Variants in LRBA observed in about 807,000 individuals in gnomAD.
The protein encoded by LRBA is lipopolysaccharide-responsive and beige-like anchor protein.
Under a neutral mutation model 330.0 loss-of-function variants are expected in LRBA, and 176 were observed. The observed-to-expected ratio is 0.53, with a 90% CI of 0.47 to 0.60. The LOEUF (loss-of-function observed/expected upper bound fraction) is 0.60, where lower values mean the gene tolerates loss of function less well. Ranked by LOEUF, LRBA falls within the 20% of genes least tolerant of loss-of-function variation. The pLI is 0.00. For synonymous variants in LRBA, 1,230 were observed against 1,193.0 expected (o/e 1.03, Z -0.64); for missense variants, 3,259 against 3,444.8 (o/e 0.95, Z 1.35).
intron 32 of LRBA, among the ~76,000 whole-genome samples, chr4:150,807,429 G>C (rs1274548532): frequency 6.6e-6 from 1 of 152,148 alleles, no homozygotes; most frequent in Non-Finnish European, 1.5e-5. Flanking sequence ...TACATTTGTA[G>C]TGTCTAATGG....
intron 24 of LRBA, among the ~76,000 whole-genome samples, chr4:150,850,247 C>T (rs1025751271): frequency 1.3e-5 from 2 of 152,092 alleles, no homozygotes; most frequent in South Asian, 2.1e-4. Context: ...ACGCCCGCCA[C>T]CACTCCCAGC....
Position 150,849,582 on chromosome 4 carries a change from A to C in LRBA, c.4005-7T>G. The C allele has an allele frequency of 6.2e-7, 1 of 1,608,342 alleles. No homozygotes were observed. The highest frequency in any genetic ancestry group is 8.5e-7 in the Non-Finnish European group (1 of 1,175,380). ...AACTGTCTTTGTTGAATGGCTGTCCAAAGATAAATGATATTTACTGATAAA... is the reference window on the plus strand; with the variant it reads ...AACTGTCTTTGTTGAATGGCTGTCCCAAGATAAATGATATTTACTGATAAA... On this transcript the variant is annotated splice_region_variant and splice_polypyrimidine_tract_variant and intron_variant, in intron 24 of 56. Coordinates refer to ENST00000651943, the MANE Select transcript of LRBA (RefSeq NM_001364905.1).
At chr4:150,372,705 T>C (rs553659865) in intron 47 of LRBA, among the ~76,000 whole-genome samples, 55 of 78,980 alleles carry the variant, frequency 7.0e-4, no homozygotes, top group African/African-American at 1.9e-3. Flanking sequence ...AAAAACAATA[T>C]GTTCCTTATA....
At chr4:150,704,773 T>C (rs947842927) in intron 36 of LRBA, among the ~76,000 whole-genome samples, 2 of 152,156 alleles carry the variant, frequency 1.3e-5, no homozygotes, top group Non-Finnish European at 1.5e-5. Context: ...TGGACTATCA[T>C]GTAAAAATAG....
chr4:150,683,798 A>G, intron 36 of LRBA, 81 bp from the exon 37 acceptor site: 1 of 1,095,570 alleles, frequency 9.1e-7, no homozygotes, highest in South Asian at 1.8e-5. Context: ...TTTACCCTAA[A>G]TCAAAACAAC....
intron 2 of LRBA, among the ~76,000 whole-genome samples, chr4:150,983,923 T>C (rs1381348368): frequency 1.3e-5 from 2 of 152,228 alleles, no homozygotes; most frequent in African/African-American, 4.8e-5. Flanking sequence ...TATTCATGTA[T>C]GCATTCATTT....
intron 16 of LRBA, among the ~76,000 whole-genome samples, chr4:150,895,637 T>C (rs1176275157): frequency 6.6e-6 from 1 of 152,258 alleles, no homozygotes; most frequent in Non-Finnish European, 1.5e-5. Context: ...GGCTGCATAG[T>C]ATTCCATGGT....
At chr4:150,828,922 GGTGTGT>G (rs753950457) in intron 29 of LRBA, among the ~76,000 whole-genome samples, 31 of 106,236 alleles carry the variant, frequency 2.9e-4, no homozygotes, top group African/African-American at 1.3e-3. Context: ...CTTTTTTGGG[GGTGTGT>G]GTGTGTGTGT....
chr4:150,427,362 T>C (rs1370078703), intron 46 of LRBA, among the ~76,000 whole-genome samples: 4 of 152,052 alleles, frequency 2.6e-5, no homozygotes, highest in African/African-American at 4.8e-5. Context: ...GAGCAAAATG[T>C]AGTTCATTGT....
Position 150,950,574 on chromosome 4 carries a change from C to CAA in LRBA, c.217-21511_217-21510dup, listed in dbSNP as rs35609214. ...GATCTATATATTAGGTTTTCTCCAC[C>CAA]AAAAAAAAAAAATGTACTTTTAGAT... On this transcript the variant is annotated intron_variant, in intron 2 of 56. Transcript: ENST00000651943. 3.7e-3 allele frequency among the ~76,000 whole-genome samples: 545 copies of CAA among 147,426 alleles called. 11 individuals carry two copies. Among genetic ancestry groups the CAA allele is most frequent in the Admixed American group, 0.03 (451 of 14,906 alleles).
At chr4:150,782,922 G>GA (rs36030310) in intron 34 of LRBA, among the ~76,000 whole-genome samples, 1 of 151,712 alleles carries the variant, frequency 6.6e-6, no homozygotes, top group Non-Finnish European at 1.5e-5. Context: ...GCAAGAACTG[G>GA]AAAAAAAAAT....
intron 14 of LRBA, among the ~76,000 whole-genome samples, chr4:150,898,654 A>ATAG (rs1054349447): frequency 1.2e-3 from 34 of 29,150 alleles, no homozygotes; most frequent in African/African-American, 1.4e-3. Flanking sequence ...ACAAAAAAAA[A>ATAG]TAATAAGACT....
At chr4:150,504,698 T>C (rs186317988) in intron 40 of LRBA, among the ~76,000 whole-genome samples, 1,695 of 152,184 alleles carry the variant, frequency 0.011, 28 homozygotes, top group Non-Finnish European at 0.013. Flanking sequence ...ACGAGCAAAA[T>C]AGCCAGCTGA....
intron 2 of LRBA, among the ~76,000 whole-genome samples, chr4:150,995,503 CTG>C (rs1244140768): frequency 6.6e-6 from 1 of 151,628 alleles, no homozygotes; most frequent in African/African-American, 2.4e-5. Flanking sequence ...GGAAAAGAAA[CTG>C]TAAAAAACAT....
intron 36 of LRBA, among the ~76,000 whole-genome samples, chr4:150,696,996 AGAAGAGACC>A (rs896113236): frequency 2.0e-5 from 3 of 151,328 alleles, no homozygotes; most frequent in African/African-American, 7.3e-5. Flanking sequence ...CCTGGGTGAC[AGAAGAGACC>A]CTGCCTCAAA....
At chr4:150,509,341 G>A (rs950694285) in intron 40 of LRBA, among the ~76,000 whole-genome samples, 1 of 152,092 alleles carries the variant, frequency 6.6e-6, no homozygotes, top group African/African-American at 2.4e-5. Flanking sequence ...AAATTAGCAA[G>A]TATTTAAAAT....
chr4:150,339,482 C>A (rs1480230256), intron 48 of LRBA, among the ~76,000 whole-genome samples: 1 of 152,114 alleles, frequency 6.6e-6, no homozygotes, highest in Non-Finnish European at 1.5e-5. Context: ...GAAGCAGATT[C>A]TTTCCCCCTG....
chr4:150,924,664 A>AT (rs1475159797), intron 4 of LRBA, among the ~76,000 whole-genome samples: 2 of 152,190 alleles, frequency 1.3e-5, no homozygotes, highest in African/African-American at 4.8e-5. Flanking sequence ...AGATATAGGG[A>AT]TTTTTTCACT....
chr4:150,316,946 C>T (rs1355535095), intron 50 of LRBA, among the ~76,000 whole-genome samples: 1 of 152,080 alleles, frequency 6.6e-6, no homozygotes, highest in East Asian at 1.9e-4. Context: ...TTTCTCAGAA[C>T]TGTGGTGCCA....
Sources: gnomAD v4.1 joint callset for allele counts (sites outside exome capture counted in the v4.1 genomes callset) on GRCh38, gnomAD v4.1.1 for gene constraint, MANE v1.5 for transcripts, NCBI Gene and HGNC (gene_info 2026-07-23, HGNC 2026-07-21) for gene names.